Variants in ERC2 observed in about 807,000 individuals in gnomAD.
The protein encoded by ERC2 is ELKS/RAB6-interacting/CAST family member 2, also known as ERC protein 2.
Under a neutral mutation model 114.8 loss-of-function variants are expected in ERC2, and 42 were observed. That is an observed-to-expected ratio of 0.37 (90% CI 0.29 to 0.47). ERC2 has a LOEUF of 0.47. Ranked by LOEUF, ERC2 falls within the 20% of genes least tolerant of loss-of-function variation. The probability of loss-of-function intolerance (pLI) is 0.99; values close to 1 mark genes in which losing one functional copy is unlikely to be tolerated. For synonymous variants in ERC2, 454 were observed against 425.5 expected (o/e 1.07, Z -0.82); for missense variants, 939 against 1,150.7 (o/e 0.82, Z 2.66).
intron 15 of ERC2, among the ~76,000 whole-genome samples, chr3:55,729,873 C>G (rs1575411371): frequency 1.8e-5 from 1 of 56,952 alleles, no homozygotes; most frequent in East Asian, 5.8e-4. Context: ...AAATTGTAAG[C>G]TACACAAGGA....
At chr3:56,374,392 T>C (rs1296483896) in intron 2 of ERC2, among the ~76,000 whole-genome samples, 1 of 152,226 alleles carries the variant, frequency 6.6e-6, no homozygotes, top group Non-Finnish European at 1.5e-5. Flanking sequence ...CCACAGCGCC[T>C]GGCCCAGTGT....
chr3:56,357,304 C>T (rs1260582716), intron 2 of ERC2, among the ~76,000 whole-genome samples: 1 of 152,248 alleles, frequency 6.6e-6, no homozygotes, highest in Non-Finnish European at 1.5e-5. Flanking sequence ...GACCTCACAA[C>T]AATCCTTACA....
At chr3:56,160,296 G>C (rs1273140407) in intron 4 of ERC2, among the ~76,000 whole-genome samples, 1 of 152,078 alleles carries the variant, frequency 6.6e-6, no homozygotes, top group African/African-American at 2.4e-5. Context: ...GTCTGTTCAT[G>C]TCTTTTGCCT....
chr3:55,688,750 C>A (rs577033600), intron 16 of ERC2, among the ~76,000 whole-genome samples: 1 of 152,244 alleles, frequency 6.6e-6, no homozygotes, highest in Non-Finnish European at 1.5e-5. Flanking sequence ...ACCTTCACCT[C>A]CTTCATACTG....
intron 2 of ERC2, among the ~76,000 whole-genome samples, chr3:56,355,296 T>C (rs1411748377): frequency 1.3e-5 from 2 of 150,388 alleles, no homozygotes; most frequent in Non-Finnish European, 3.0e-5. Context: ...TTTTTTTTTC[T>C]TGTTTTCTTT....
intron 3 of ERC2, among the ~76,000 whole-genome samples, chr3:56,231,917 G>A (rs1488536312): frequency 2.7e-5 from 4 of 150,290 alleles, no homozygotes; most frequent in South Asian, 2.1e-4. Context: ...AATGAGGTAA[G>A]CAATAACAAA....
chr3:55,878,136 T>G (rs2062950997), intron 14 of ERC2, among the ~76,000 whole-genome samples: 1 of 152,158 alleles, frequency 6.6e-6, no homozygotes, highest in African/African-American at 2.4e-5. Flanking sequence ...TTATTTAAAC[T>G]CTATGATTCA....
rs541017111 is a variant in ERC2 at position 55,603,827 on chromosome 3, C to T, written c.*39+79967G>A. On this transcript the variant is annotated intron_variant, in intron 17 of 17. Coordinates refer to ENST00000288221, the MANE Select transcript of ERC2 (RefSeq NM_015576.3). The stretch of plus-strand genomic sequence containing the variant: ...AAATCACACGGTATACATGATATCC[C>T]AAAGATCAAAACTGGCATTCATAGA... 2.6e-5 allele frequency among the ~76,000 whole-genome samples: 4 copies of T among 151,964 alleles called. No homozygotes were observed. In the South Asian group the frequency reaches 8.3e-4, roughly 31 times the overall value.
intron 13 of ERC2, among the ~76,000 whole-genome samples, chr3:55,913,356 A>T (rs969370009): frequency 6.6e-6 from 1 of 152,150 alleles, no homozygotes; most frequent in African/African-American, 2.4e-5. Context: ...AGAGTAGATA[A>T]ATCATATCTA....
intron 14 of ERC2, among the ~76,000 whole-genome samples, chr3:55,882,455 A>G (rs1209276051): frequency 6.6e-6 from 1 of 152,204 alleles, no homozygotes; most frequent in Non-Finnish European, 1.5e-5. Context: ...ATAATCATAC[A>G]CATGTATACA....
intron 17 of ERC2, among the ~76,000 whole-genome samples, chr3:55,549,466 T>A (rs1418946452): frequency 6.9e-6 from 1 of 145,934 alleles, no homozygotes. Context: ...GCGGAGCAAA[T>A]GCCGCCTTAC....
chr3:56,356,883 T>C (rs150220599), intron 2 of ERC2, among the ~76,000 whole-genome samples: 225 of 152,316 alleles, frequency 1.5e-3, no homozygotes, highest in South Asian at 5.8e-3. Flanking sequence ...CCCCACTTTA[T>C]TGATGAGCAA....
intron 14 of ERC2, among the ~76,000 whole-genome samples, chr3:55,833,449 A>G (rs1204888508): frequency 1.3e-5 from 2 of 152,064 alleles, no homozygotes; most frequent in Non-Finnish European, 1.5e-5. Flanking sequence ...AGTGGGGGCC[A>G]ATATTCAACA....
intron 13 of ERC2, among the ~76,000 whole-genome samples, chr3:55,899,645 T>C (rs191759526): frequency 8.5e-5 from 13 of 152,280 alleles, no homozygotes; most frequent in African/African-American, 2.9e-4. Flanking sequence ...GGAAAGATGC[T>C]CATGAAATCT....
chr3:56,460,780 T>C (rs1348934342), intron 1 of ERC2, among the ~76,000 whole-genome samples: 1 of 152,132 alleles, frequency 6.6e-6, no homozygotes, highest in African/African-American at 2.4e-5. Context: ...TTATGGTAAC[T>C]TATAGTCATT....
intron 12 of ERC2, among the ~76,000 whole-genome samples, chr3:55,951,766 A>C (rs959275545): frequency 1.3e-5 from 2 of 152,066 alleles, no homozygotes; most frequent in Non-Finnish European, 2.9e-5. Flanking sequence ...TCAGTAAAAA[A>C]CATACTGAGA....
chr3:56,177,558 T>C (rs1449840570), intron 3 of ERC2, among the ~76,000 whole-genome samples: 1 of 152,142 alleles, frequency 6.6e-6, no homozygotes, highest in Non-Finnish European at 1.5e-5. Context: ...TTTCTGGAAA[T>C]GGACACAAAA....
At chr3:56,297,924 G>A (rs769916774) in intron 2 of ERC2, among the ~76,000 whole-genome samples, 3 of 152,094 alleles carry the variant, frequency 2.0e-5, no homozygotes, top group Non-Finnish European at 4.4e-5. Context: ...TTGTTTCTGG[G>A]TATCCAATTC....
intron 2 of ERC2, among the ~76,000 whole-genome samples, chr3:56,420,437 C>T (rs1172209189): frequency 2.6e-5 from 4 of 152,002 alleles, no homozygotes; most frequent in Non-Finnish European, 4.4e-5. Flanking sequence ...TTCTGTCTCA[C>T]AAAGTGCTAG....
Sources: gnomAD v4.1 joint callset for allele counts (sites outside exome capture counted in the v4.1 genomes callset) on GRCh38, gnomAD v4.1.1 for gene constraint, MANE v1.5 for transcripts, NCBI Gene and HGNC (gene_info 2026-07-23, HGNC 2026-07-21) for gene names.